Variants in PLEK2 observed in about 807,000 individuals in gnomAD.
The protein encoded by PLEK2 is pleckstrin 2.
Under a neutral mutation model 43.8 loss-of-function variants are expected in PLEK2, and 29 were observed. That is an observed-to-expected ratio of 0.66 (90% CI 0.49 to 0.90). PLEK2 has a LOEUF of 0.90. Among genes scored for constraint, PLEK2 ranks in the 40% least tolerant of loss-of-function variants. PLEK2 has a pLI of 0.00. For synonymous variants in PLEK2, 162 were observed against 173.2 expected (o/e 0.94, Z 0.51); for missense variants, 398 against 448.1 (o/e 0.89, Z 1.01).
At chr14:67,406,344 G>A (rs1366091289) in intron 1 of PLEK2, among the ~76,000 whole-genome samples, 1 of 152,122 alleles carries the variant, frequency 6.6e-6, no homozygotes, top group East Asian at 1.9e-4. Flanking sequence ...AAACCCCAAG[G>A]AGGAGCTCAG....
intron 1 of PLEK2, 33 bp downstream of exon 1, chr14:67,411,985 C>A: frequency 1.3e-6 from 2 of 1,524,324 alleles, no homozygotes; most frequent in South Asian, 1.2e-5. Flanking sequence ...GGGCCCCACC[C>A]GGGCAATGTC....
intron 6 of PLEK2, among the ~76,000 whole-genome samples, chr14:67,391,563 A>T (rs2085968132): frequency 6.6e-6 from 1 of 152,168 alleles, no homozygotes; most frequent in Non-Finnish European, 1.5e-5. Context: ...GCAACAGCAC[A>T]TGCTCCGAGT....
chr14:67,395,585 T>G lies in PLEK2; in HGVS notation c.208-2A>C. On this transcript the variant is annotated splice_acceptor_variant, in intron 2 of 8. Coordinates refer to ENST00000216446, the MANE Select transcript of PLEK2 (RefSeq NM_016445.3). LOFTEE classifies it high-confidence loss of function. ...TTGAGTCTTCAGCTTAATGAGGAGC[T>G]GTGGGAAGAGAGAGCCAGTCAGGCC... 6.2e-7 allele frequency: 1 copy of G among 1,613,862 alleles called. No homozygotes were observed. The highest frequency in any genetic ancestry group is 8.5e-7 in the Non-Finnish European group (1 of 1,179,872).
chr14:67,392,249 C>T (rs1595655478), intron 6 of PLEK2, 77 bp downstream of exon 6: 5 of 991,932 alleles, frequency 5.0e-6, no homozygotes, highest in African/African-American at 1.6e-5. Context: ...TCAGCCCTTC[C>T]CTTCTTCTGG....
At chr14:67,399,679 T>G (rs1459942428) in intron 1 of PLEK2, among the ~76,000 whole-genome samples, 1 of 147,552 alleles carries the variant, frequency 6.8e-6, no homozygotes, top group Non-Finnish European at 1.5e-5. Context: ...GAAGGGTGGT[T>G]TAGGTGGGTC....
intron 1 of PLEK2, among the ~76,000 whole-genome samples, chr14:67,405,501 A>C (rs72719134): frequency 0.014 from 2,144 of 152,222 alleles, 21 homozygotes; most frequent in Middle Eastern, 0.037. Context: ...CAGTATGAAA[A>C]GTTCCAGGAC....
chr14:67,411,039 A>C (rs185587158), intron 1 of PLEK2, among the ~76,000 whole-genome samples: 1,801 of 148,788 alleles, frequency 0.012, 16 homozygotes, highest in Non-Finnish European at 0.018. Context: ...CCCAGCTACT[A>C]GGGAAGCTGA....
At chr14:67,394,872 C>A (rs778131651) in intron 3 of PLEK2, among the ~76,000 whole-genome samples, 5 of 152,060 alleles carry the variant, frequency 3.3e-5, no homozygotes, top group African/African-American at 1.2e-4. Flanking sequence ...GAAGAGAGAT[C>A]GGAGCAAGCA....
At chr14:67,403,651 G>C (rs894875661) in intron 1 of PLEK2, among the ~76,000 whole-genome samples, 1 of 152,236 alleles carries the variant, frequency 6.6e-6, no homozygotes, top group Non-Finnish European at 1.5e-5. Context: ...GATGACAAAA[G>C]ATGTACTACG....
At chr14:67,401,764 G>A (rs1293833322) in intron 1 of PLEK2, among the ~76,000 whole-genome samples, 3 of 152,202 alleles carry the variant, frequency 2.0e-5, no homozygotes, top group African/African-American at 7.2e-5. Context: ...AAACTAATAT[G>A]ATAGGGAAAG....
intron 1 of PLEK2, among the ~76,000 whole-genome samples, chr14:67,402,542 T>C (rs148642826): frequency 0.019 from 2,879 of 152,340 alleles, 37 homozygotes; most frequent in Middle Eastern, 0.034. Context: ...TTAATTTTTT[T>C]GTACCCATTA....
At chr14:67,408,230 G>A (rs1238444411) in intron 1 of PLEK2, among the ~76,000 whole-genome samples, 2 of 151,094 alleles carry the variant, frequency 1.3e-5, no homozygotes, top group Non-Finnish European at 1.5e-5. Context: ...AGGTTGCAGT[G>A]AGCCGAGATT....
intron 2 of PLEK2, among the ~76,000 whole-genome samples, chr14:67,395,918 CT>C (rs2086004977): frequency 6.6e-6 from 1 of 152,170 alleles, no homozygotes; most frequent in Non-Finnish European, 1.5e-5. Context: ...AATGCCCAGG[CT>C]TTAAAATCAG....
intron 1 of PLEK2, among the ~76,000 whole-genome samples, chr14:67,406,942 TA>T (rs1399897792): frequency 2.6e-5 from 4 of 152,144 alleles, no homozygotes; most frequent in Non-Finnish European, 5.9e-5. Flanking sequence ...TTCTTGTCTG[TA>T]ATCCGCTGGC....
chr14:67,406,380 A>C (rs2086079012), intron 1 of PLEK2, among the ~76,000 whole-genome samples: 1 of 152,180 alleles, frequency 6.6e-6, no homozygotes, highest in African/African-American at 2.4e-5. Flanking sequence ...GGTTAGGTAC[A>C]TTCCCAGGAG....
At position 67,405,599 on chromosome 14, in the gene PLEK2, GTATGGCAA is replaced by G. The variant is rs1356326618; in HGVS notation, c.42+6411_42+6418del. Reference sequence around the variant, plus strand: ...TTCCACATTTTACTAGGGTTGGTCTGTATGGCAATATGGCAGAGTGATGGTATCCCAAT... The same window carrying G: ...TTCCACATTTTACTAGGGTTGGTCTGTATGGCAGAGTGATGGTATCCCAAT... On this transcript the variant is annotated intron_variant, in intron 1 of 8. Transcript: ENST00000216446. 3.3e-5 allele frequency among the ~76,000 whole-genome samples: 5 copies of G among 152,180 alleles called. No individual in the cohort carries two copies. In the East Asian group the frequency reaches 9.6e-4, roughly 29 times the overall value.
intron 1 of PLEK2, among the ~76,000 whole-genome samples, chr14:67,409,247 A>G (rs539869919): frequency 4.8e-4 from 72 of 151,090 alleles, no homozygotes; most frequent in Non-Finnish European, 8.3e-4. Flanking sequence ...TCTCTAAACA[A>G]AATAAATAAG....
At chr14:67,388,153 A>T in intron 8 of PLEK2, 71 bp downstream of exon 8, 1 of 931,202 alleles carries the variant, frequency 1.1e-6, no homozygotes, top group Non-Finnish European at 1.8e-6. Flanking sequence ...TCATTTCATT[A>T]GTGGGACATT....
chr14:67,401,382 C>T (rs530961731), intron 1 of PLEK2, among the ~76,000 whole-genome samples: 21 of 152,110 alleles, frequency 1.4e-4, no homozygotes, highest in Non-Finnish European at 2.8e-4. Flanking sequence ...CGTGGTGGCA[C>T]GTGCCTGTAG....
Sources: allele counts gnomAD v4.1 joint callset (sites outside exome capture counted in the v4.1 genomes callset), GRCh38; gene constraint gnomAD v4.1.1; transcripts MANE v1.5; gene names NCBI Gene and HGNC (gene_info 2026-07-23, HGNC 2026-07-21).